RIMS2: variants seen among roughly 807,000 people sequenced by gnomAD.
The protein encoded by RIMS2 is regulating synaptic membrane exocytosis 2, also known as regulating synaptic membrane exocytosis protein 2.
RIMS2 carries 59 observed loss-of-function variants against 174.4 expected under a neutral mutation model. That is an observed-to-expected ratio of 0.34 (90% confidence interval 0.27 to 0.42). RIMS2 has a LOEUF of 0.42. RIMS2 is among the 10% of genes least tolerant of loss of function. RIMS2 has a pLI of 1.00. For missense variants in RIMS2, 1,620 were observed against 1,666.3 expected (o/e 0.97, Z 0.48); for synonymous variants, 606 against 572.5 (o/e 1.06, Z -0.84).
chr8:104,184,871 G>A (rs1051467046), intron 19 of RIMS2, among the ~76,000 whole-genome samples: 1 of 151,270 alleles, frequency 6.6e-6, no homozygotes, highest in Admixed American at 6.6e-5. Context: ...TTTTTAATAC[G>A]TATGTACATA....
At chr8:103,608,347 G>T (rs71520834) in intron 1 of RIMS2, among the ~76,000 whole-genome samples, 1 of 134,788 alleles carries the variant, frequency 7.4e-6, no homozygotes, top group Non-Finnish European at 1.6e-5. Context: ...CAGTCTGCCC[G>T]TTCTCAGATC....
At chr8:103,981,321 T>G (rs1196168373) in intron 16 of RIMS2, among the ~76,000 whole-genome samples, 5 of 152,128 alleles carry the variant, frequency 3.3e-5, no homozygotes, top group Non-Finnish European at 7.4e-5. Context: ...CTGGATCTTA[T>G]CAAAGACCAC....
rs144900121 is a variant in RIMS2 at position 103,863,484 on chromosome 8, C to A, written c.699-21814C>A. Among the ~76,000 whole-genome samples, 205 of 152,118 alleles carry A rather than the reference C, an allele frequency of 1.3e-3. 1 individual carries two copies. Among genetic ancestry groups the A allele is most frequent in the African/African-American group, 4.6e-3 (192 of 41,498 alleles). ...TAGAATGAGTTAGGGAGGTGCTACTCCTCAATTTTTTGGAATATATACAGT... is the reference window on the plus strand; with the variant it reads ...TAGAATGAGTTAGGGAGGTGCTACTACTCAATTTTTTGGAATATATACAGT... On this transcript the variant is annotated intron_variant, in intron 3 of 23. Coordinates refer to ENST00000504942, the Ensembl canonical transcript of RIMS2.
chr8:103,814,017 G>C (rs1279722170), intron 3 of RIMS2, among the ~76,000 whole-genome samples: 1 of 152,116 alleles, frequency 6.6e-6, no homozygotes, highest in Non-Finnish European at 1.5e-5. Flanking sequence ...ATCAATGGTA[G>C]ACTGCATAAA....
At chr8:104,028,240 A>G (rs2096300776) in intron 19 of RIMS2, among the ~76,000 whole-genome samples, 1 of 152,112 alleles carries the variant, frequency 6.6e-6, no homozygotes, top group African/African-American at 2.4e-5. Flanking sequence ...TGTGATGAAG[A>G]CTAGCTAGAA....
In RIMS2 at chr8:103,891,922, G is replaced by A. The variant is rs1026521098; in HGVS notation, c.1624+5699G>A. Reference sequence around the variant, plus strand: ...TTTTAAAACAAACCCAAAAGATGTCGGCTTTGTATTTGTCTGAGTTTAGAT... The same window carrying A: ...TTTTAAAACAAACCCAAAAGATGTCAGCTTTGTATTTGTCTGAGTTTAGAT... On this transcript the variant is annotated intron_variant, in intron 4 of 23. Transcript: ENST00000504942. Among the ~76,000 whole-genome samples, 29 of 151,872 alleles carry A rather than the reference G, an allele frequency of 1.9e-4. 1 individual carries two copies. The highest frequency in any genetic ancestry group is 5.8e-4 in the African/African-American group (24 of 41,398).
intron 19 of RIMS2, among the ~76,000 whole-genome samples, chr8:104,163,060 G>A (rs2098773390): frequency 6.6e-6 from 1 of 152,130 alleles, no homozygotes; most frequent in Non-Finnish European, 1.5e-5. Context: ...AATGATACTA[G>A]GAGCAATGAT....
At chr8:103,557,992 G>T (rs371312761) in intron 1 of RIMS2, among the ~76,000 whole-genome samples, 2 of 152,142 alleles carry the variant, frequency 1.3e-5, no homozygotes, top group African/African-American at 4.8e-5. Flanking sequence ...TATCTCCAAA[G>T]TTCCTTCAGT....
At chr8:103,543,025 A>G (rs1202348796) in intron 1 of RIMS2, among the ~76,000 whole-genome samples, 3 of 152,196 alleles carry the variant, frequency 2.0e-5, no homozygotes, top group African/African-American at 7.2e-5. Flanking sequence ...TGCCAGAGCA[A>G]TTAGGCAAAA....
chr8:103,904,699 G>C (rs1256837316), intron 4 of RIMS2, among the ~76,000 whole-genome samples: 2 of 151,892 alleles, frequency 1.3e-5, no homozygotes, highest in African/African-American at 4.8e-5. Flanking sequence ...CTAATATTTT[G>C]TTAAGGATTT....
chr8:103,832,102 A>G (rs2098829350), intron 3 of RIMS2, among the ~76,000 whole-genome samples: 1 of 152,190 alleles, frequency 6.6e-6, no homozygotes, highest in South Asian at 2.1e-4. Flanking sequence ...GTGTGCAAAT[A>G]CTGTTTCTCT....
At chr8:104,173,722 G>A (rs756836054) in intron 19 of RIMS2, among the ~76,000 whole-genome samples, 10 of 132,044 alleles carry the variant, frequency 7.6e-5, no homozygotes, top group East Asian at 4.9e-4. Flanking sequence ...TCCACCTCCC[G>A]GGTTCACGCC....
chr8:103,754,206 C>G (rs1293894246), intron 2 of RIMS2, among the ~76,000 whole-genome samples: 1 of 152,130 alleles, frequency 6.6e-6, no homozygotes, highest in African/African-American at 2.4e-5. Flanking sequence ...CATTCAGGAG[C>G]AGGTTGTTCA....
chr8:103,851,694 G>C (rs1316997313), intron 3 of RIMS2, among the ~76,000 whole-genome samples: 2 of 122,358 alleles, frequency 1.6e-5, no homozygotes, highest in Admixed American at 8.4e-5. Flanking sequence ...CACACACACA[G>C]GCAACTCAAA....
chr8:103,798,891 A>G (rs2098579703), intron 3 of RIMS2, among the ~76,000 whole-genome samples: 1 of 151,548 alleles, frequency 6.6e-6, no homozygotes, highest in African/African-American at 2.4e-5. Context: ...CAATCTAATC[A>G]CACGAAGCCT....
chr8:104,032,840 C>T (rs951433151), intron 19 of RIMS2, among the ~76,000 whole-genome samples: 4 of 151,944 alleles, frequency 2.6e-5, no homozygotes, highest in African/African-American at 9.7e-5. Flanking sequence ...GTATTTGTTG[C>T]CATCCTTCTG....
intron 15 of RIMS2, among the ~76,000 whole-genome samples, chr8:103,965,394 T>C (rs1028239076): frequency 2.0e-5 from 3 of 152,174 alleles, no homozygotes; most frequent in Non-Finnish European, 2.9e-5. Context: ...TATTTCGTTG[T>C]TGGGAATTGC....
At chr8:103,591,759 A>C (rs1050071285) in intron 1 of RIMS2, among the ~76,000 whole-genome samples, 1 of 151,140 alleles carries the variant, frequency 6.6e-6, no homozygotes, top group African/African-American at 2.4e-5. Context: ...TGATCTATTT[A>C]TTAATCCTTA....
intron 19 of RIMS2, among the ~76,000 whole-genome samples, chr8:104,142,707 A>C (rs2098595693): frequency 6.6e-6 from 1 of 152,166 alleles, no homozygotes; most frequent in Admixed American, 6.5e-5. Flanking sequence ...AACATAGATT[A>C]ATTACTAATG....
Sources: allele counts gnomAD v4.1 joint callset (sites outside exome capture counted in the v4.1 genomes callset), GRCh38; gene constraint gnomAD v4.1.1; transcripts MANE v1.5; gene names NCBI Gene and HGNC (gene_info 2026-07-23, HGNC 2026-07-21).